Variants in JMJD1C observed in about 807,000 individuals in gnomAD.
JMJD1C encodes the protein jumonji domain-containing protein 1C.
JMJD1C carries 31 observed loss-of-function variants against 245.3 expected under a neutral mutation model. The ratio of observed to expected loss-of-function variants is 0.13; its 90% CI spans 0.09 to 0.17. JMJD1C has a LOEUF of 0.17. Ranked by LOEUF, JMJD1C falls within the 10% of genes least tolerant of loss-of-function variation. The pLI is 1.00. For missense variants in JMJD1C, 2,691 were observed against 3,000.2 expected (o/e 0.90, Z 2.41); for synonymous variants, 1,057 against 1,017.4 (o/e 1.04, Z -0.74).
chr10:63,319,908 C>T (rs1277407968), intron 2 of JMJD1C, among the ~76,000 whole-genome samples: 2 of 152,166 alleles, frequency 1.3e-5, no homozygotes, highest in Non-Finnish European at 2.9e-5. Context: ...GGATTACAGG[C>T]ACATGCCACC....
At chr10:63,278,665 T>A (rs1438996087) in intron 2 of JMJD1C, among the ~76,000 whole-genome samples, 2 of 149,866 alleles carry the variant, frequency 1.3e-5, no homozygotes, top group Non-Finnish European at 3.0e-5. Flanking sequence ...CATGGAGAAA[T>A]CCTGTCTCTA....
chr10:63,272,128 A>G (rs1218140881), intron 2 of JMJD1C, among the ~76,000 whole-genome samples: 1 of 152,154 alleles, frequency 6.6e-6, no homozygotes, highest in South Asian at 2.1e-4. Context: ...TCAATTTAGT[A>G]TATGATGAAC....
chr10:63,262,894 C>T (rs1055757854), intron 3 of JMJD1C, among the ~76,000 whole-genome samples: 2 of 152,024 alleles, frequency 1.3e-5, no homozygotes, highest in Non-Finnish European at 2.9e-5. Context: ...TTTTAGGCCA[C>T]CTGGCAAGAG....
intron 2 of JMJD1C, among the ~76,000 whole-genome samples, chr10:63,286,232 C>T (rs781331726): frequency 2.6e-5 from 4 of 152,146 alleles, no homozygotes; most frequent in Non-Finnish European, 4.4e-5. Context: ...CACTATTTTG[C>T]TCCACAATTT....
At chr10:63,462,031 A>G (rs943296594) in intron 1 of JMJD1C, among the ~76,000 whole-genome samples, 1 of 152,192 alleles carries the variant, frequency 6.6e-6, no homozygotes, top group Non-Finnish European at 1.5e-5. Context: ...GTAGAACAGC[A>G]GTAATGTCAA....
At chr10:63,248,241 T>A (rs1313887651) in intron 3 of JMJD1C, among the ~76,000 whole-genome samples, 2 of 151,876 alleles carry the variant, frequency 1.3e-5, no homozygotes, top group Non-Finnish European at 2.9e-5. Flanking sequence ...GGCAGGTGGA[T>A]CACAAGGTCA....
chr10:63,506,596 T>C (rs1395300312), intron 1 of JMJD1C, among the ~76,000 whole-genome samples: 3 of 152,212 alleles, frequency 2.0e-5, no homozygotes, highest in Admixed American at 6.5e-5. Context: ...TTCTGAGACT[T>C]ATTTTTTAAT....
intron 2 of JMJD1C, among the ~76,000 whole-genome samples, chr10:63,352,842 GCTGA>G (rs1358128060): frequency 6.6e-6 from 1 of 152,056 alleles, no homozygotes; most frequent in Non-Finnish European, 1.5e-5. Flanking sequence ...TATACAGAGG[GCTGA>G]CTTTTTATGA....
intron 1 of JMJD1C, among the ~76,000 whole-genome samples, chr10:63,476,445 T>C (rs973326333): frequency 6.6e-6 from 1 of 152,016 alleles, no homozygotes; most frequent in African/African-American, 2.4e-5. Flanking sequence ...TCAAAAATTA[T>C]AGGCTGGACA....
chr10:63,377,921 C>CAAA (rs11364665), intron 2 of JMJD1C, among the ~76,000 whole-genome samples: 3 of 139,678 alleles, frequency 2.1e-5, no homozygotes, highest in Non-Finnish European at 3.1e-5. Flanking sequence ...AATAGTATGG[C>CAAA]AAAAAAAAAA....
chr10:63,234,629 C>A (rs777840431), intron 3 of JMJD1C, among the ~76,000 whole-genome samples: 4 of 146,864 alleles, frequency 2.7e-5, no homozygotes, highest in Admixed American at 6.8e-5. Context: ...ATAAAAAGAA[C>A]GAGTTATTTA....
chr10:63,375,928 A>C (rs887342038), intron 2 of JMJD1C, among the ~76,000 whole-genome samples: 1 of 152,132 alleles, frequency 6.6e-6, no homozygotes, highest in African/African-American at 2.4e-5. Context: ...TCTGGAGAAA[A>C]AGAAAAATCT....
At chr10:63,508,684 T>C (rs1370142698) in intron 1 of JMJD1C, among the ~76,000 whole-genome samples, 1 of 152,234 alleles carries the variant, frequency 6.6e-6, no homozygotes, top group Non-Finnish European at 1.5e-5. Context: ...TTTACATAGA[T>C]CTTGTATATA....
intron 1 of JMJD1C, among the ~76,000 whole-genome samples, chr10:63,388,056 G>A (rs1367326408): frequency 6.6e-6 from 1 of 152,062 alleles, no homozygotes; most frequent in African/African-American, 2.4e-5. Context: ...AACTTGAAGG[G>A]CTAGAAAGTC....
intron 1 of JMJD1C, among the ~76,000 whole-genome samples, chr10:63,415,994 TC>T (rs755756649): frequency 5.9e-5 from 9 of 152,170 alleles, no homozygotes; most frequent in Non-Finnish European, 1.0e-4. Flanking sequence ...CCCATTTCAT[TC>T]TCTAAAGAAA....
intron 1 of JMJD1C, among the ~76,000 whole-genome samples, chr10:63,388,536 C>G (rs1052498483): frequency 6.6e-6 from 1 of 152,030 alleles, no homozygotes; most frequent in Non-Finnish European, 1.5e-5. Flanking sequence ...TGAAAACACA[C>G]AGAATATAAA....
At chr10:63,311,541 T>TA (rs1939200445) in intron 2 of JMJD1C, among the ~76,000 whole-genome samples, 1 of 152,162 alleles carries the variant, frequency 6.6e-6, no homozygotes, top group South Asian at 2.1e-4. Flanking sequence ...TAAAAAGAAT[T>TA]ATGGATAAAT....
intron 1 of JMJD1C, among the ~76,000 whole-genome samples, chr10:63,486,740 T>C (rs1426605042): frequency 6.6e-6 from 1 of 152,170 alleles, no homozygotes; most frequent in African/African-American, 2.4e-5. Flanking sequence ...TAACTCTGCA[T>C]GGCTTACTCC....
intron 16 of JMJD1C, among the ~76,000 whole-genome samples, chr10:63,191,690 A>G (rs1844819138): frequency 6.6e-6 from 1 of 152,146 alleles, no homozygotes; most frequent in Admixed American, 6.5e-5. Context: ...ACAGGTAGAA[A>G]ATACAGGTAA....
Sources: allele counts gnomAD v4.1 joint callset (sites outside exome capture counted in the v4.1 genomes callset), GRCh38; gene constraint gnomAD v4.1.1; transcripts MANE v1.5; gene names NCBI Gene and HGNC (gene_info 2026-07-23, HGNC 2026-07-21).